Variants in TANC1 observed in about 807,000 individuals in gnomAD.
TANC1 encodes the protein protein TANC1.
A neutral mutation model predicts 149.7 loss-of-function variants in TANC1; 77 were observed. That is an observed-to-expected ratio of 0.51 (90% CI 0.43 to 0.62). The LOEUF (loss-of-function observed/expected upper bound fraction) is 0.62. TANC1 is among the 20% of genes least tolerant of loss of function. TANC1 has a pLI of 0.00. For missense variants in TANC1, 1,985 were observed against 2,321.8 expected (o/e 0.85, Z 2.98); for synonymous variants, 854 against 925.0 (o/e 0.92, Z 1.39).
intron 12 of TANC1, among the ~76,000 whole-genome samples, 181 bp from the exon 13 acceptor site, chr2:159,176,171 T>C (rs1012212779): frequency 2.6e-5 from 4 of 152,248 alleles, no homozygotes; most frequent in Admixed American, 1.3e-4. Context: ...TTCTTTTGGC[T>C]CTGTGCTCCA....
chr2:159,003,803 C>T (rs1018800109), intron 2 of TANC1, among the ~76,000 whole-genome samples: 1 of 152,174 alleles, frequency 6.6e-6, no homozygotes, highest in Non-Finnish European at 1.5e-5. Context: ...TTGCCGCGTG[C>T]TGGTGTTGGA....
At position 159,170,553 on chromosome 2, in the gene TANC1, A is replaced by G. The variant is rs2055098460; in HGVS notation, c.1099A>G (p.Ile367Val). Residue 367 changes from isoleucine to valine, a missense_variant, in exon 10 of 27, where the codon ATT becomes GTT. This residue lies in a region of TANC1 where 557 missense variants were observed against 612.9 expected (regional missense o/e 0.91). Coordinates refer to ENST00000263635, the MANE Select transcript of TANC1 (RefSeq NM_033394.3). ...ARFAPYKPQD[I>V]LLKPLLFEVP... ...ATTTGCTCCCTACAAGCCACAAGAC[A>G]TTTTGTTGAAACCCTTGTTGTTTGA... 2 of 1,612,282 alleles carry G rather than the reference A, an allele frequency of 1.2e-6. No homozygotes were observed. Among genetic ancestry groups the G allele is most frequent in the East Asian group, 4.5e-5 (2 of 44,840 alleles).
chr2:159,208,230 A>G (rs2058754758), intron 19 of TANC1, among the ~76,000 whole-genome samples: 1 of 152,198 alleles, frequency 6.6e-6, no homozygotes, highest in Non-Finnish European at 1.5e-5. Context: ...GATTAATATT[A>G]TTAATATAAT....
chr2:159,050,870 T>A (rs1421262598), intron 2 of TANC1, among the ~76,000 whole-genome samples: 1 of 152,150 alleles, frequency 6.6e-6, no homozygotes, highest in Non-Finnish European at 1.5e-5. Flanking sequence ...TAGTTTTTAG[T>A]GAATTATCAG....
chr2:159,195,206 C>T (rs62171138), intron 17 of TANC1, among the ~76,000 whole-genome samples: 5,094 of 152,274 alleles, frequency 0.033, 115 homozygotes, highest in African/African-American at 0.064. Flanking sequence ...CTGCAACCTC[C>T]ACCTCCCAGG....
chr2:159,201,635 A>G (rs566682263), intron 19 of TANC1, among the ~76,000 whole-genome samples: 1 of 152,304 alleles, frequency 6.6e-6, no homozygotes, highest in Non-Finnish European at 1.5e-5. Context: ...ACACTCTAGG[A>G]TGGACTGTAT....
At position 159,126,011 on chromosome 2, in the gene TANC1, A is replaced by C. The variant is rs546530017; in HGVS notation, c.260-10183A>C. 2.6e-5 allele frequency among the ~76,000 whole-genome samples: 4 copies of C among 152,090 alleles called. 1 individual carries two copies. In the South Asian group the frequency reaches 8.3e-4, roughly 32 times the overall value. On this transcript the variant is annotated intron_variant, in intron 4 of 26. Transcript: ENST00000263635. ...GCCAGAAAGGTGGCTTCCTTCTCAC[A>C]CTTTAGTGTCTGACCCTTCCTCCTG...
intron 4 of TANC1, among the ~76,000 whole-genome samples, chr2:159,117,296 G>A (rs75520577): frequency 0.09 from 13,651 of 152,152 alleles, 845 homozygotes; most frequent in Admixed American, 0.17. Flanking sequence ...CAGAGTTCCC[G>A]TGCACTCCAT....
At chr2:159,023,326 T>G (rs935579376) in intron 2 of TANC1, among the ~76,000 whole-genome samples, 9 of 152,042 alleles carry the variant, frequency 5.9e-5, no homozygotes, top group African/African-American at 2.2e-4. Flanking sequence ...TTATACCAAA[T>G]GGGTAACCCA....
intron 1 of TANC1, among the ~76,000 whole-genome samples, chr2:158,981,016 T>C (rs2034246785): frequency 6.6e-6 from 1 of 152,178 alleles, no homozygotes; most frequent in Admixed American, 6.5e-5. Context: ...TCCCATTGTT[T>C]CCTGTATTTC....
Position 159,073,309 on chromosome 2 carries a change from A to G in TANC1, c.61+7338A>G, listed in dbSNP as rs2043323994. Among the ~76,000 whole-genome samples, 2 of 152,112 alleles carry G rather than the reference A, an allele frequency of 1.3e-5. 1 individual carries two copies. The highest frequency in any genetic ancestry group is 2.9e-5 in the Non-Finnish European group (2 of 68,020). ...AGATATCTACCGTTTATCATTAGGC[A>G]CCTACATGTAAGGCCCAAGCTGGTT... On this transcript the variant is annotated intron_variant, in intron 3 of 26. Transcript: ENST00000263635.
At chr2:159,069,238 A>C (rs1559199159) in intron 3 of TANC1, among the ~76,000 whole-genome samples, 2 of 152,208 alleles carry the variant, frequency 1.3e-5, no homozygotes, top group Non-Finnish European at 2.9e-5. Flanking sequence ...ATGTTTTTTT[A>C]GAGAGCATAT....
intron 4 of TANC1, among the ~76,000 whole-genome samples, chr2:159,110,564 C>G (rs1184897489): frequency 6.6e-6 from 1 of 152,264 alleles, no homozygotes; most frequent in Non-Finnish European, 1.5e-5. Flanking sequence ...ATCCTTCTGC[C>G]TCAGCCTCCC....
chr2:159,186,022 A>G (rs1042474462), intron 15 of TANC1, 123 bp downstream of exon 15: 1 of 663,368 alleles, frequency 1.5e-6, no homozygotes. Context: ...CCCAAATGCA[A>G]CCTCCTCCTG....
chr2:159,027,580 T>G (rs2039448801), intron 2 of TANC1, among the ~76,000 whole-genome samples: 1 of 152,172 alleles, frequency 6.6e-6, no homozygotes, highest in Admixed American at 6.5e-5. Flanking sequence ...TGAACCCTCA[T>G]CAGAATCTCC....
rs528770860 is a variant in TANC1, at chr2:159,160,347, T to G, written c.683-2936T>G. ...AGCACTTTTTAGAGATTTTTTTTTT[T>G]TAAGTCATCACAGTTAAGATGCTGC... On this transcript the variant is annotated intron_variant, in intron 7 of 26. Coordinates refer to ENST00000263635, the MANE Select transcript of TANC1 (RefSeq NM_033394.3). Among the ~76,000 whole-genome samples the G allele has an allele frequency of 6.4e-4, 97 of 152,334 alleles. 1 individual carries two copies. In the Middle Eastern group the frequency reaches 0.02, roughly 32 times the overall value.
At chr2:158,970,680 C>T (rs758135991) in intron 1 of TANC1, among the ~76,000 whole-genome samples, 1 of 152,154 alleles carries the variant, frequency 6.6e-6, no homozygotes, top group Non-Finnish European at 1.5e-5. Context: ...TCAGGACTTC[C>T]TCCTAGGGTT....
intron 1 of TANC1, among the ~76,000 whole-genome samples, chr2:158,969,480 A>G (rs1038157396): frequency 2.0e-5 from 3 of 152,158 alleles, no homozygotes; most frequent in Non-Finnish European, 4.4e-5. Context: ...GAAGAGCGGT[A>G]ATTGTCAAGA....
intron 2 of TANC1, among the ~76,000 whole-genome samples, chr2:159,049,593 G>A (rs994744707): frequency 6.6e-6 from 1 of 152,150 alleles, no homozygotes; most frequent in Non-Finnish European, 1.5e-5. Context: ...AACGTTACAG[G>A]TTTCAGCCTG....
Sources: allele counts gnomAD v4.1 joint callset (sites outside exome capture counted in the v4.1 genomes callset), GRCh38; gene constraint gnomAD v4.1.1; regional missense constraint gnomAD v4.1.1; transcripts MANE v1.5; gene names NCBI Gene and HGNC (gene_info 2026-07-23, HGNC 2026-07-21).